DLG2: variants seen among roughly 807,000 people sequenced by gnomAD.
DLG2 encodes the protein disks large homolog 2.
Under a neutral mutation model 132.5 loss-of-function variants are expected in DLG2, and 45 were observed. The ratio of observed to expected loss-of-function variants is 0.34; its 90% confidence interval spans 0.27 to 0.44. The LOEUF (loss-of-function observed/expected upper bound fraction) is 0.44, where lower values mean the gene tolerates loss of function less well. Ranked by LOEUF, DLG2 falls within the 20% of genes least tolerant of loss-of-function variation. The probability of loss-of-function intolerance (pLI) is 1.00; values close to 1 mark genes in which losing one functional copy is unlikely to be tolerated. For synonymous variants in DLG2, 424 were observed against 419.6 expected, an observed-to-expected ratio of 1.01 and a Z score of -0.13; for missense variants, 1,045 against 1,196.9, an observed-to-expected ratio of 0.87 and a Z score of 1.87.
chr11:85,194,464 T>C (rs185168201), intron 4 of DLG2, among the ~76,000 whole-genome samples: 2 of 152,184 alleles, frequency 1.3e-5, no homozygotes, highest in East Asian at 3.9e-4. Flanking sequence ...TATTTACCCA[T>C]CTTACTGATG....
chr11:83,574,167 T>C (rs1485601096), intron 19 of DLG2, among the ~76,000 whole-genome samples: 1 of 152,094 alleles, frequency 6.6e-6, no homozygotes, highest in Non-Finnish European at 1.5e-5. Context: ...GTTATGAAAC[T>C]GGAGTTGGAG....
At chr11:83,860,641 T>A (rs1195893477) in intron 16 of DLG2, among the ~76,000 whole-genome samples, 1 of 151,662 alleles carries the variant, frequency 6.6e-6, no homozygotes, top group African/African-American at 2.4e-5. Context: ...TTTGGACTTT[T>A]GAGTTAATGC....
intron 6 of DLG2, among the ~76,000 whole-genome samples, chr11:85,058,437 C>G (rs2063692214): frequency 6.6e-6 from 1 of 151,292 alleles, no homozygotes; most frequent in African/African-American, 2.4e-5. Context: ...AAATTATAAG[C>G]TCAAAGTTTT....
intron 18 of DLG2, among the ~76,000 whole-genome samples, chr11:83,691,165 G>C (rs1270207127): frequency 6.6e-6 from 1 of 152,148 alleles, no homozygotes; most frequent in Non-Finnish European, 1.5e-5. Flanking sequence ...CATGCACTTA[G>C]GAAATGGCAG....
rs192495555 is a variant in DLG2, at chr11:85,017,052, A to G, written c.357+94609T>C. Reference sequence around the variant, plus strand: ...TTTTCTGCAGCTGCTTCAATGCTACAAGGGCAGAGTTGGGTAGTTGCTACA... The same window carrying G: ...TTTTCTGCAGCTGCTTCAATGCTACGAGGGCAGAGTTGGGTAGTTGCTACA... On this transcript the variant is annotated intron_variant, in intron 6 of 27. Transcript: ENST00000376104. Among the ~76,000 whole-genome samples, 240 of 152,280 alleles carry G rather than the reference A, an allele frequency of 1.6e-3. 2 individuals are homozygous for G. Among genetic ancestry groups the G allele is most frequent in the African/African-American group, 5.5e-3 (227 of 41,562 alleles).
intron 18 of DLG2, among the ~76,000 whole-genome samples, chr11:83,680,153 G>T (rs2153595364): frequency 6.6e-6 from 1 of 152,178 alleles, no homozygotes; most frequent in Non-Finnish European, 1.5e-5. Flanking sequence ...CATCACGGGT[G>T]GGTGGAGAAA....
chr11:83,812,072 T>C (rs1364780126), intron 17 of DLG2, among the ~76,000 whole-genome samples: 1 of 152,160 alleles, frequency 6.6e-6, no homozygotes, highest in East Asian at 1.9e-4. Context: ...CACCCTTTAC[T>C]AGTAGCTTTT....
intron 21 of DLG2, among the ~76,000 whole-genome samples, chr11:83,507,643 T>A (rs1451938376): frequency 6.8e-6 from 1 of 146,002 alleles, no homozygotes. Flanking sequence ...TAAATGGGGA[T>A]GTGGTGGGAA....
chr11:83,715,971 C>T (rs1011284248), intron 18 of DLG2, among the ~76,000 whole-genome samples: 1 of 152,178 alleles, frequency 6.6e-6, no homozygotes, highest in Non-Finnish European at 1.5e-5. Context: ...CTATAAGACT[C>T]CCATAGTATT....
intron 11 of DLG2, among the ~76,000 whole-genome samples, chr11:83,996,824 G>A (rs975174167): frequency 6.6e-6 from 1 of 152,152 alleles, no homozygotes; most frequent in African/African-American, 2.4e-5. Context: ...TAGAGGCTGA[G>A]AAGGGTAGCA....
intron 6 of DLG2, among the ~76,000 whole-genome samples, chr11:84,621,521 C>T (rs962864850): frequency 6.6e-6 from 1 of 152,068 alleles, no homozygotes; most frequent in Non-Finnish European, 1.5e-5. Context: ...CTCATTTGTT[C>T]ACTCGCTAAT....
chr11:84,355,992 T>A (rs2098609093), intron 7 of DLG2, among the ~76,000 whole-genome samples: 1 of 152,104 alleles, frequency 6.6e-6, no homozygotes, highest in African/African-American at 2.4e-5. Flanking sequence ...TGTGAAAATT[T>A]CACATTATTT....
chr11:85,274,143 T>A (rs978386314), intron 4 of DLG2, among the ~76,000 whole-genome samples: 2 of 152,112 alleles, frequency 1.3e-5, no homozygotes, highest in Non-Finnish European at 2.9e-5. Flanking sequence ...TTAAGAGATA[T>A]ACCTAATGTA....
intron 3 of DLG2, among the ~76,000 whole-genome samples, chr11:85,483,679 C>T (rs183750340): frequency 2.0e-5 from 3 of 152,084 alleles, no homozygotes; most frequent in South Asian, 2.1e-4. Context: ...CGTGGTGGCT[C>T]ACACCTATAA....
intron 6 of DLG2, among the ~76,000 whole-genome samples, chr11:84,611,579 T>C (rs751515686): frequency 6.6e-6 from 1 of 152,090 alleles, no homozygotes; most frequent in Non-Finnish European, 1.5e-5. Context: ...ATGCTACTAT[T>C]TTTATCAGTG....
chr11:84,584,530 T>C (rs2099524391), intron 6 of DLG2, among the ~76,000 whole-genome samples: 1 of 151,220 alleles, frequency 6.6e-6, no homozygotes, highest in African/African-American at 2.4e-5. Flanking sequence ...TTAATATTAT[T>C]ATTATTTTAT....
At chr11:84,007,314 C>T (rs760618474) in intron 11 of DLG2, among the ~76,000 whole-genome samples, 1 of 151,666 alleles carries the variant, frequency 6.6e-6, no homozygotes, top group Non-Finnish European at 1.5e-5. Context: ...CACTGGGTAA[C>T]AGATGCTCCC....
intron 11 of DLG2, among the ~76,000 whole-genome samples, chr11:83,995,968 G>C (rs1160030970): frequency 6.6e-6 from 1 of 152,042 alleles, no homozygotes; most frequent in Non-Finnish European, 1.5e-5. Flanking sequence ...GCAGTTAATG[G>C]ACAAATGGGA....
intron 8 of DLG2, among the ~76,000 whole-genome samples, chr11:84,228,186 T>C (rs2097034795): frequency 6.6e-6 from 1 of 152,222 alleles, no homozygotes; most frequent in Non-Finnish European, 1.5e-5. Flanking sequence ...CAGCCTCCAC[T>C]GAACTTGCTT....
Sources: allele counts gnomAD v4.1 joint callset (sites outside exome capture counted in the v4.1 genomes callset), GRCh38; gene constraint gnomAD v4.1.1; transcripts MANE v1.5; gene names NCBI Gene and HGNC (gene_info 2026-07-23, HGNC 2026-07-21).